COL14A1: variants seen among roughly 807,000 people sequenced by gnomAD.
The protein encoded by COL14A1 is collagen type XIV alpha 1 chain, also known as collagen alpha-1(XIV) chain.
A neutral mutation model predicts 230.3 loss-of-function variants in COL14A1; 136 were observed. The observed-to-expected ratio is 0.59, with a 90% confidence interval of 0.51 to 0.68. COL14A1 has a LOEUF of 0.68. Among genes scored for constraint, COL14A1 ranks in the 30% least tolerant of loss-of-function variants. The pLI, the probability that COL14A1 is intolerant of heterozygous loss-of-function variation, is 0.00. For synonymous variants in COL14A1, 792 were observed against 784.1 expected, an observed-to-expected ratio of 1.01 and a Z score of -0.17; for missense variants, 1,976 against 2,215.8, an observed-to-expected ratio of 0.89 and a Z score of 2.17.
intron 40 of COL14A1, among the ~76,000 whole-genome samples, chr8:120,326,607 G>A (rs1179517322): frequency 1.3e-5 from 2 of 152,070 alleles, no homozygotes; most frequent in Admixed American, 1.3e-4. Context: ...AGAAATTTTA[G>A]AAAAAATGGC....
intron 42 of COL14A1, among the ~76,000 whole-genome samples, chr8:120,335,473 C>T (rs911011136): frequency 6.6e-6 from 1 of 152,126 alleles, no homozygotes; most frequent in Non-Finnish European, 1.5e-5. Flanking sequence ...GCTCTCTGAA[C>T]TGTCCAGCCC....
At chr8:120,279,825 T>G in intron 28 of COL14A1, 110 bp from the exon 29 acceptor site, 1 of 1,169,062 alleles carries the variant, frequency 8.6e-7, no homozygotes, top group Non-Finnish European at 1.2e-6. Context: ...TCCACCCCCA[T>G]GGGCCTTCCT....
chr8:120,179,753 G>A (rs1816400595), intron 5 of COL14A1, among the ~76,000 whole-genome samples: 1 of 152,102 alleles, frequency 6.6e-6, no homozygotes, highest in East Asian at 1.9e-4. Context: ...ACAATTCTAA[G>A]CAAAATGAAC....
intron 5 of COL14A1, among the ~76,000 whole-genome samples, chr8:120,195,164 A>G (rs930618052): frequency 1.3e-5 from 2 of 152,202 alleles, no homozygotes; most frequent in Non-Finnish European, 2.9e-5. Flanking sequence ...GGAAAAAGTC[A>G]AGATCCTTTA....
chr8:120,220,634 T>G (rs1054645018), intron 14 of COL14A1, among the ~76,000 whole-genome samples: 11 of 152,168 alleles, frequency 7.2e-5, no homozygotes, highest in African/African-American at 2.7e-4. Context: ...CTTCCTCTCA[T>G]CTTCCTTCTC....
At chr8:120,331,645 C>T (rs1821869329) in intron 40 of COL14A1, among the ~76,000 whole-genome samples, 1 of 152,204 alleles carries the variant, frequency 6.6e-6, no homozygotes. Context: ...GTCCAGTAGT[C>T]AAAGCTCAAT....
intron 42 of COL14A1, among the ~76,000 whole-genome samples, chr8:120,338,866 T>C (rs987094066): frequency 2.0e-5 from 3 of 152,236 alleles, no homozygotes; most frequent in Non-Finnish European, 4.4e-5. Flanking sequence ...GGTAGTTCTT[T>C]TCTCCAGTTG....
At chr8:120,131,708 A>G (rs1814533567) in intron 1 of COL14A1, among the ~76,000 whole-genome samples, 1 of 151,830 alleles carries the variant, frequency 6.6e-6, no homozygotes, top group Non-Finnish European at 1.5e-5. Flanking sequence ...GAAGCTCTTT[A>G]GTTTAATTAG....
At chr8:120,168,113 T>C in intron 4 of COL14A1, 48 bp from the exon 5 acceptor site, 1 of 1,315,564 alleles carries the variant, frequency 7.6e-7, no homozygotes, top group East Asian at 2.3e-5. Flanking sequence ...GAATATTTTC[T>C]TTTAGATTTT....
chr8:120,128,155 G>A (rs1241080922), intron 1 of COL14A1, among the ~76,000 whole-genome samples: 1 of 151,972 alleles, frequency 6.6e-6, no homozygotes, highest in Non-Finnish European at 1.5e-5. Context: ...TTACTTTTCT[G>A]TATACACTAA....
At chr8:120,246,807 A>T (rs1818781667) in intron 20 of COL14A1, among the ~76,000 whole-genome samples, 1 of 152,224 alleles carries the variant, frequency 6.6e-6, no homozygotes, top group South Asian at 2.1e-4. Context: ...CATATAAATG[A>T]CTGTAATGTT....
At chr8:120,277,895 A>T (rs1294472116) in intron 26 of COL14A1, 1 of 296,464 alleles carries the variant, frequency 3.4e-6, no homozygotes, top group Non-Finnish European at 6.2e-6. Flanking sequence ...TACACAATGT[A>T]CCCTCTGAAT....
At chr8:120,254,598 A>G (rs1459237964) in intron 22 of COL14A1, among the ~76,000 whole-genome samples, 1 of 152,086 alleles carries the variant, frequency 6.6e-6, no homozygotes, top group Non-Finnish European at 1.5e-5. Flanking sequence ...AAACACAAGT[A>G]TATAAAGGGG....
At chr8:120,245,825 A>G (rs891985249) in intron 20 of COL14A1, among the ~76,000 whole-genome samples, 14 of 152,150 alleles carry the variant, frequency 9.2e-5, no homozygotes, top group Non-Finnish European at 1.8e-4. Context: ...CAGAGCAGTC[A>G]TATTTCTTAC....
chr8:120,180,352 T>C (rs1041849028), intron 5 of COL14A1, among the ~76,000 whole-genome samples: 5 of 152,222 alleles, frequency 3.3e-5, no homozygotes, highest in African/African-American at 1.2e-4. Context: ...TGGGATTCAT[T>C]TCTCTTCTTT....
intron 1 of COL14A1, among the ~76,000 whole-genome samples, chr8:120,143,521 C>T (rs958916459): frequency 6.6e-6 from 1 of 152,102 alleles, no homozygotes; most frequent in African/African-American, 2.4e-5. Context: ...ATCCCAGCTA[C>T]TTGGGAGGCT....
intron 45 of COL14A1, among the ~76,000 whole-genome samples, chr8:120,364,904 AAAAG>A (rs1312978003): frequency 1.3e-5 from 2 of 151,856 alleles, no homozygotes; most frequent in Non-Finnish European, 2.9e-5. Context: ...AAAAGAAAAG[AAAAG>A]AAAGAAAAAA....
At chr8:120,282,419 G>A (rs1033487827) in intron 31 of COL14A1, among the ~76,000 whole-genome samples, 5 of 152,056 alleles carry the variant, frequency 3.3e-5, no homozygotes, top group South Asian at 2.1e-4. Context: ...TCCTTAATCC[G>A]GTCAAGTTGA....
At chr8:120,166,910 G>GTGTGTGTGTT (rs1815907080) in intron 4 of COL14A1, among the ~76,000 whole-genome samples, 1 of 149,656 alleles carries the variant, frequency 6.7e-6, no homozygotes, top group Non-Finnish European at 1.5e-5. Flanking sequence ...GTGTGTGTGT[G>GTGTGTGTGTT]TGTGTGTGTG....
Sources: allele counts gnomAD v4.1 joint callset (sites outside exome capture counted in the v4.1 genomes callset), GRCh38; gene constraint gnomAD v4.1.1; transcripts MANE v1.5; gene names NCBI Gene and HGNC (gene_info 2026-07-23, HGNC 2026-07-21).